The following DCLK3 variants were observed in gnomAD, a reference collection of about 807,000 sequenced individuals.
DCLK3 encodes doublecortin like kinase 3, also known as serine/threonine-protein kinase DCLK3.
Under a neutral mutation model 46.4 loss-of-function variants are expected in DCLK3, and 30 were observed. The ratio of observed to expected loss-of-function variants is 0.65; its 90% CI spans 0.48 to 0.88. DCLK3 has a LOEUF of 0.88. Ranked by LOEUF, DCLK3 falls within the 40% of genes least tolerant of loss-of-function variation. The pLI, the probability that DCLK3 is intolerant of heterozygous loss-of-function variation, is 0.00. For synonymous variants in DCLK3, 401 were observed against 339.2 expected, an observed-to-expected ratio of 1.18 and a Z score of -2.00; for missense variants, 846 against 907.1, an observed-to-expected ratio of 0.93 and a Z score of 0.87.
At chr3:36,750,491 A>G (rs1701431455) in intron 1 of DCLK3, among the ~76,000 whole-genome samples, 1 of 152,214 alleles carries the variant, frequency 6.6e-6, no homozygotes, top group Non-Finnish European at 1.5e-5. Context: ...AGGACTTTCC[A>G]TAAATAGTTA....
intron 2 of DCLK3, among the ~76,000 whole-genome samples, chr3:36,729,379 G>T (rs114411262): frequency 2.0e-3 from 311 of 152,144 alleles, no homozygotes; most frequent in African/African-American, 7.2e-3. Flanking sequence ...GCTCATTTTC[G>T]GTTGTTCCCT....
At chr3:36,716,940 G>A (rs1700987525) in intron 4 of DCLK3, among the ~76,000 whole-genome samples, 2 of 152,142 alleles carry the variant, frequency 1.3e-5, no homozygotes, top group South Asian at 4.1e-4. Flanking sequence ...CTCATCTACT[G>A]TGACAAGCCA....
At chr3:36,740,122 C>CTTTTTTTTTT (rs1179146362) in intron 1 of DCLK3, among the ~76,000 whole-genome samples, 1 of 99,710 alleles carries the variant, frequency 1.0e-5, no homozygotes, top group African/African-American at 3.6e-5. Context: ...ATTTGCATTT[C>CTTTTTTTTTT]TTTTTTTTTT....
At position 36,737,673 on chromosome 3, in the gene DCLK3, T is replaced by C; in HGVS notation, c.1494A>G (p.Pro498=). ...TGGGCCGCTCTGGCTTGTTCTCTTC[T>C]GGCCTCGTCTTGGGCTCCTTTTCTA... ...AKLEKEPKTR[P]EENKPERPSG... is the part of the protein sequence containing the mutation. The change falls in exon 2 of 5, where the codon CCA becomes CCG. Residue 498 remains proline, a synonymous_variant. Transcript: ENST00000636136. The surrounding 1 kb of genome is among the most constrained non-coding windows in gnomAD (Gnocchi z 4.4). 9 of 1,613,740 alleles carry C rather than the reference T, an allele frequency of 5.6e-6. No homozygotes were observed. The highest frequency in any genetic ancestry group is 6.8e-6 in the Non-Finnish European group (8 of 1,179,886).
At chr3:36,728,030 C>T (rs908054378) in intron 2 of DCLK3, among the ~76,000 whole-genome samples, 10 of 152,186 alleles carry the variant, frequency 6.6e-5, no homozygotes, top group African/African-American at 2.2e-4. Context: ...TCTCAAACAT[C>T]CTCCCACCAG....
At chr3:36,748,932 G>A (rs1345682148) in intron 1 of DCLK3, among the ~76,000 whole-genome samples, 15 of 152,046 alleles carry the variant, frequency 9.9e-5, no homozygotes, top group Non-Finnish European at 1.5e-4. Context: ...CTGTCCCTGC[G>A]TTGTCTTTCT....
chr3:36,747,822 T>G (rs2125535265), intron 1 of DCLK3, among the ~76,000 whole-genome samples: 1 of 152,306 alleles, frequency 6.6e-6, no homozygotes, highest in East Asian at 1.9e-4. Context: ...AGCATCAGTA[T>G]CACCTGGGAG....
chr3:36,743,361 C>A (rs1701366520), intron 1 of DCLK3, among the ~76,000 whole-genome samples: 2 of 151,436 alleles, frequency 1.3e-5, no homozygotes, highest in African/African-American at 2.4e-5. Context: ...TGGTCCCAAG[C>A]ATTTTGGATA....
intron 1 of DCLK3, among the ~76,000 whole-genome samples, chr3:36,742,356 T>A (rs1397032877): frequency 6.6e-6 from 1 of 152,138 alleles, no homozygotes; most frequent in African/African-American, 2.4e-5. Flanking sequence ...CTTGCCCTGA[T>A]CCCTAGTGGT....
intron 2 of DCLK3, among the ~76,000 whole-genome samples, chr3:36,727,131 C>CA (rs1024760808): frequency 4.3e-4 from 64 of 150,188 alleles, no homozygotes; most frequent in Non-Finnish European, 5.8e-4. Flanking sequence ...AAAAATACAA[C>CA]AAAAAAAAAC....
At position 36,738,638 on chromosome 3, in the gene DCLK3, G is replaced by A; in HGVS notation, c.529C>T (p.Leu177=). 7.5e-7 allele frequency: 1 copy of A among 1,341,774 alleles called. No homozygotes were observed. Among genetic ancestry groups the A allele is most frequent in the Non-Finnish European group, 9.6e-7 (1 of 1,039,150 alleles). 83.1% of individuals were successfully genotyped at this position (1,341,774 alleles called of 1,614,324 possible). Residue 177 remains leucine (L), a synonymous_variant, in exon 2 of 5, where the codon CTG becomes TTG. Transcript: ENST00000636136. The part of the protein sequence containing the change: ...FIAMGKEPLT[L]KSIQVAVEEL... ...TCTACAGCCACCTGAATGCTCTTCA[G>A]TGTCAGTGGTTCTTTGCCCATAGCT...
intron 1 of DCLK3, among the ~76,000 whole-genome samples, chr3:36,756,430 C>A (rs904990189): frequency 6.6e-6 from 1 of 152,098 alleles, no homozygotes; most frequent in African/African-American, 2.4e-5. Context: ...TGGGAACCAC[C>A]AGAACAGGAA....
Position 36,745,221 on chromosome 3 carries a change from CAATT to C in DCLK3, c.83-6141_83-6138del, listed in dbSNP as rs143476946. ...TCTTTTATATTGTCTTTTTAAATCA[CAATT>C]AAAGAGATTTTACCTTTTCCAAGTC... On this transcript the variant is annotated intron_variant, in intron 1 of 4. Transcript: ENST00000636136. 9.3e-3 allele frequency among the ~76,000 whole-genome samples: 1,414 copies of C among 152,174 alleles called. 14 individuals are homozygous for C. The highest frequency in any genetic ancestry group is 0.032 in the African/African-American group (1,331 of 41,542).
intron 2 of DCLK3, 36 bp from the exon 3 acceptor site, chr3:36,721,695 G>A (rs776512376): frequency 6.2e-6 from 10 of 1,613,546 alleles, no homozygotes; most frequent in Non-Finnish European, 8.5e-6. Flanking sequence ...CACCAAAATT[G>A]TGATTAGAAC....
At position 36,715,491 on chromosome 3, in the gene DCLK3, A is replaced by G; in HGVS notation, c.2291T>C (p.Val764Ala). 2 of 1,549,636 alleles carry G rather than the reference A, an allele frequency of 1.3e-6. No individual in the cohort carries two copies. Among genetic ancestry groups the G allele is most frequent in the Non-Finnish European group, 1.7e-6 (2 of 1,149,366 alleles). ...AAKDLVSRLL[V>A]VDPKKRYTAH... ...TGTGTAGCGCTTTTTGGGGTCTACC[A>G]CCAGCAACCGGCTCACCAGATCTTT... Residue 764 changes from valine to alanine, a missense_variant, in exon 5 of 5, where the codon GTG becomes GCG. Val to Ala is a moderately conservative substitution (Grantham distance 64, BLOSUM62 0). Coordinates refer to ENST00000636136, the MANE Select transcript of DCLK3 (RefSeq NM_001394672.2).
At chr3:36,731,916 G>A (rs983193491) in intron 2 of DCLK3, among the ~76,000 whole-genome samples, 4 of 152,154 alleles carry the variant, frequency 2.6e-5, no homozygotes, top group Non-Finnish European at 4.4e-5. Flanking sequence ...AGAAACTTGA[G>A]ATTTACTAAG....
chr3:36,754,764 C>G (rs1374153143), intron 1 of DCLK3, among the ~76,000 whole-genome samples: 2 of 152,210 alleles, frequency 1.3e-5, no homozygotes, highest in Non-Finnish European at 2.9e-5. Context: ...TGTATCTTTT[C>G]TCTCCATCTT....
chr3:36,719,209 G>T (rs73824465), intron 3 of DCLK3, among the ~76,000 whole-genome samples: 3,267 of 152,202 alleles, frequency 0.021, 95 homozygotes, highest in African/African-American at 0.067. Flanking sequence ...ATACAGTAAA[G>T]GTTTTTGATA....
chr3:36,748,190 G>C (rs1042900738), intron 1 of DCLK3, among the ~76,000 whole-genome samples: 1 of 150,174 alleles, frequency 6.7e-6, no homozygotes, highest in Non-Finnish European at 1.5e-5. Flanking sequence ...GGGTGTGGGT[G>C]AATGGGGAAG....
Sources: gnomAD v4.1 joint callset for allele counts (sites outside exome capture counted in the v4.1 genomes callset) on GRCh38, gnomAD v4.1.1 for gene constraint, Gnocchi (gnomAD v3.1) non-coding constraint, MANE v1.5 for transcripts, NCBI Gene and HGNC (gene_info 2026-07-23, HGNC 2026-07-21) for gene names.